ERBB4: variants seen among roughly 807,000 people sequenced by gnomAD.
ERBB4 encodes receptor tyrosine-protein kinase erbB-4.
Under a neutral mutation model 158.0 loss-of-function variants are expected in ERBB4, and 42 were observed. The ratio of observed to expected loss-of-function variants is 0.27; its 90% CI spans 0.21 to 0.34. The LOEUF (loss-of-function observed/expected upper bound fraction) is 0.34. ERBB4 is among the 10% of genes least tolerant of loss of function. ERBB4 has a pLI of 1.00. For synonymous variants in ERBB4, 583 were observed against 558.7 expected (o/e 1.04, Z -0.61); for missense variants, 1,333 against 1,624.1 (o/e 0.82, Z 3.08).
At chr2:212,099,087 G>T (rs2079009362) in intron 2 of ERBB4, among the ~76,000 whole-genome samples, 1 of 151,474 alleles carries the variant, frequency 6.6e-6, no homozygotes, top group South Asian at 2.1e-4. Context: ...TCAAGTCCAG[G>T]ATTTTGAGGC....
chr2:212,433,085 C>T (rs1235303632), intron 1 of ERBB4, among the ~76,000 whole-genome samples: 13 of 151,900 alleles, frequency 8.6e-5, no homozygotes, highest in Non-Finnish European at 1.8e-4. Context: ...CATACAAATC[C>T]GATACTACAG....
chr2:211,737,780 C>T (rs527245633), intron 5 of ERBB4, among the ~76,000 whole-genome samples: 44 of 152,056 alleles, frequency 2.9e-4, no homozygotes, highest in African/African-American at 9.2e-4. Context: ...GTTAAGTAAT[C>T]GATGAATGGT....
At chr2:211,412,324 G>A (rs181108849) in intron 25 of ERBB4, among the ~76,000 whole-genome samples, 2 of 152,088 alleles carry the variant, frequency 1.3e-5, no homozygotes, top group South Asian at 2.1e-4. Flanking sequence ...GTGGTGGGGG[G>A]TTTTATTTGT....
At chr2:211,658,078 G>T in intron 15 of ERBB4, 1 of 975,918 alleles carries the variant, frequency 1.0e-6, no homozygotes, top group Non-Finnish European at 1.5e-6. Context: ...TGATTGTCTC[G>T]AATTCTTATA....
intron 1 of ERBB4, among the ~76,000 whole-genome samples, chr2:212,258,986 T>C (rs1032398970): frequency 3.3e-5 from 5 of 152,178 alleles, no homozygotes; most frequent in African/African-American, 1.2e-4. Flanking sequence ...CACCATGCTG[T>C]GAAATACATT....
At chr2:212,191,976 ATATATGT>A (rs1175725784) in intron 1 of ERBB4, among the ~76,000 whole-genome samples, 8 of 103,966 alleles carry the variant, frequency 7.7e-5, no homozygotes, top group African/African-American at 2.1e-4. Context: ...GTTATATGTT[ATATATGT>A]TATATGTTAT....
At chr2:211,953,181 T>C (rs919205321) in intron 2 of ERBB4, among the ~76,000 whole-genome samples, 4 of 151,974 alleles carry the variant, frequency 2.6e-5, no homozygotes, top group African/African-American at 7.2e-5. Flanking sequence ...AAAACATTGT[T>C]TGAACAAAAC....
intron 1 of ERBB4, among the ~76,000 whole-genome samples, chr2:212,268,648 A>C (rs1452299568): frequency 6.6e-6 from 1 of 151,888 alleles, no homozygotes; most frequent in Non-Finnish European, 1.5e-5. Context: ...ATGTCTGTCA[A>C]AAGTACTCAA....
chr2:212,187,192 A>G (rs376127599), intron 1 of ERBB4, among the ~76,000 whole-genome samples: 2 of 152,084 alleles, frequency 1.3e-5, no homozygotes, highest in African/African-American at 4.8e-5. Context: ...ACAATACTAT[A>G]CTATAATACA....
Position 211,705,377 on chromosome 2 carries a change from G to A in ERBB4, c.1139C>T (p.Ala380Val). 1 of 1,610,462 alleles carries A rather than the reference G, an allele frequency of 6.2e-7. No individual in the cohort carries two copies. Among genetic ancestry groups the A allele is most frequent in the Admixed American group, 1.7e-5 (1 of 59,996 alleles). The change falls in exon 10 of 28, where the codon GCA becomes GTA. Residue 380 changes from alanine (A) to valine (V), a missense_variant. This residue lies in a region of ERBB4 where 438 missense variants were observed against 586.9 expected (regional missense o/e 0.75). Transcript: ENST00000342788. Reference sequence around the variant, plus strand: ...TTTCTCTGGGTCTATGGCTTCAATTGCATTGTAAGGGTCCCTAGAAAATCA... The same window carrying A: ...TTTCTCTGGGTCTATGGCTTCAATTACATTGTAAGGGTCCCTAGAAAATCA... ...VTGIHGDPYNAIEAIDPEKLN... is the reference protein window; with the variant it reads ...VTGIHGDPYNVIEAIDPEKLN...
intron 3 of ERBB4, among the ~76,000 whole-genome samples, chr2:211,903,836 A>C (rs1037100927): frequency 6.6e-6 from 1 of 152,018 alleles, no homozygotes; most frequent in Non-Finnish European, 1.5e-5. Context: ...TGGTTGCAAG[A>C]ATATACCAGA....
intron 1 of ERBB4, among the ~76,000 whole-genome samples, chr2:212,140,672 AATTT>A (rs1286993891): frequency 1.3e-5 from 2 of 151,416 alleles, no homozygotes; most frequent in African/African-American, 2.4e-5. Flanking sequence ...TAAAAATGTG[AATTT>A]ATTTTTGATG....
intron 25 of ERBB4, among the ~76,000 whole-genome samples, chr2:211,403,094 C>T (rs1306355948): frequency 6.6e-6 from 1 of 152,002 alleles, no homozygotes; most frequent in African/African-American, 2.4e-5. Flanking sequence ...CAAAGAGGCT[C>T]CACCTCTACT....
chr2:211,753,307 C>T (rs915074070), intron 4 of ERBB4, among the ~76,000 whole-genome samples: 2 of 151,630 alleles, frequency 1.3e-5, no homozygotes, highest in Non-Finnish European at 2.9e-5. Flanking sequence ...TTCCTATAAG[C>T]ATTCCCTCCT....
At chr2:211,742,262 A>T (rs1017648046) in intron 5 of ERBB4, among the ~76,000 whole-genome samples, 1 of 152,332 alleles carries the variant, frequency 6.6e-6, no homozygotes, top group African/African-American at 2.4e-5. Flanking sequence ...TTTGTTCCAC[A>T]AAGAATGTAA....
chr2:211,474,596 C>A (rs1391040089), intron 20 of ERBB4, among the ~76,000 whole-genome samples: 2 of 151,968 alleles, frequency 1.3e-5, no homozygotes, highest in South Asian at 4.1e-4. Context: ...AACTCAAAAT[C>A]TTTTAACCTG....
chr2:212,465,861 T>A (rs1278072877), intron 1 of ERBB4, among the ~76,000 whole-genome samples: 1 of 152,234 alleles, frequency 6.6e-6, no homozygotes, highest in Non-Finnish European at 1.5e-5. Flanking sequence ...AAACTTCGAA[T>A]GTTAAGTGGA....
At chr2:212,289,801 G>GA in intron 1 of ERBB4, among the ~76,000 whole-genome samples, 1 of 152,068 alleles carries the variant, frequency 6.6e-6, no homozygotes, top group Admixed American at 6.5e-5. Context: ...GAATTATTTT[G>GA]AAAAAACAAA....
intron 19 of ERBB4, among the ~76,000 whole-genome samples, chr2:211,606,067 T>C (rs2068969609): frequency 6.6e-6 from 1 of 152,100 alleles, no homozygotes; most frequent in African/African-American, 2.4e-5. Context: ...ATTAAGTAAA[T>C]TTTAGACACA....
Sources: gnomAD v4.1 joint callset for allele counts (sites outside exome capture counted in the v4.1 genomes callset) on GRCh38, gnomAD v4.1.1 for gene constraint, gnomAD v4.1.1 regional missense constraint, MANE v1.5 for transcripts, NCBI Gene and HGNC (gene_info 2026-07-23, HGNC 2026-07-21) for gene names.